KIF1A: variants seen among roughly 807,000 people sequenced by gnomAD.
KIF1A encodes kinesin-like protein KIF1A.
Under a neutral mutation model 227.3 loss-of-function variants are expected in KIF1A, and 46 were observed. That is an observed-to-expected ratio of 0.20 (90% confidence interval 0.16 to 0.26). The LOEUF (loss-of-function observed/expected upper bound fraction) is 0.26. Among genes scored for constraint, KIF1A ranks in the 10% least tolerant of loss-of-function variants. KIF1A has a pLI of 1.00. For missense variants in KIF1A, 1,683 were observed against 2,485.9 expected, an observed-to-expected ratio of 0.68 and a Z score of 6.87; for synonymous variants, 1,022 against 1,012.8, an observed-to-expected ratio of 1.01 and a Z score of -0.17.
intron 1 of KIF1A, among the ~76,000 whole-genome samples, chr2:240,808,153 G>A (rs1445678352): frequency 2.6e-5 from 4 of 152,088 alleles, no homozygotes; most frequent in Non-Finnish European, 5.9e-5. Context: ...GGCCAAACCA[G>A]TAAGACAGGA....
intron 2 of KIF1A, among the ~76,000 whole-genome samples, chr2:240,795,968 A>G (rs567436232): frequency 6.6e-6 from 1 of 152,302 alleles, no homozygotes; most frequent in Admixed American, 6.5e-5. Flanking sequence ...CCATGACCCC[A>G]CATGCAAGAC....
At position 240,765,682 on chromosome 2, in the gene KIF1A, G is replaced by C. The variant is rs553217978; in HGVS notation, c.1768+28C>G. ...CCTCGCCTCATGCCTCTGCCTACCT[G>C]ACTGGCCCCCGGAGTCCCCAGCCAT... On this transcript the variant is annotated intron_variant, in intron 20 of 48. Coordinates refer to ENST00000498729, the MANE Select transcript of KIF1A (RefSeq NM_001244008.2). 7 of 1,579,258 alleles carry C rather than the reference G, an allele frequency of 4.4e-6. No individual in the cohort carries two copies. In the African/African-American group the frequency reaches 8.1e-5, roughly 18 times the overall value.
intron 38 of KIF1A, chr2:240,734,723 G>A (rs1286424890): frequency 1.9e-5 from 25 of 1,304,558 alleles, no homozygotes; most frequent in Non-Finnish European, 2.5e-5. Context: ...TGATACCTAG[G>A]TATGTCCGAA....
chr2:240,776,027 A>G, intron 10 of KIF1A, 101 bp from the exon 11 acceptor site: 1 of 805,250 alleles, frequency 1.2e-6, no homozygotes, highest in East Asian at 2.6e-5. Flanking sequence ...TCAAAGCTGG[A>G]GGCTGGGCAA....
At chr2:240,812,868 A>AGCCATCACTCAGGGATCC (rs1559549858) in intron 1 of KIF1A, among the ~76,000 whole-genome samples, 4 of 77,854 alleles carry the variant, frequency 5.1e-5, no homozygotes, top group African/African-American at 2.5e-4. Flanking sequence ...CTCGGGGATC[A>AGCCATCACTCAGGGATCC]GCCTTCACTC....
At chr2:240,742,063 G>A (rs758832463) in intron 34 of KIF1A, among the ~76,000 whole-genome samples, 22 of 152,200 alleles carry the variant, frequency 1.4e-4, no homozygotes, top group Non-Finnish European at 2.6e-4. Context: ...CTCATACTGC[G>A]GGCCACAAAG....
chr2:240,751,902 G>A (rs1022098151), intron 27 of KIF1A, among the ~76,000 whole-genome samples: 1 of 152,120 alleles, frequency 6.6e-6, no homozygotes, highest in Admixed American at 6.5e-5. Flanking sequence ...CAGAATCCCA[G>A]TCACTGTCAG....
Position 240,789,454 on chromosome 2 carries a change from A to T in KIF1A, c.107-142T>A. 1.5e-6 allele frequency: 1 copy of T among 665,612 alleles called. No homozygotes were observed. Among genetic ancestry groups the T allele is most frequent in the Non-Finnish European group, 2.7e-6 (1 of 369,426 alleles). The allele number at this position is 665,612 out of a possible 1,614,324, so 41.2% of individuals were successfully genotyped here. On this transcript the variant is annotated intron_variant, in intron 2 of 48. Transcript: ENST00000498729. This position sits in a 1 kb window ranked among gnomAD's most constrained non-coding sequence, Gnocchi z 4.8. ...GCCCCCAAATTGGAGGGGACCTAGG[A>T]CCCCACTCCCAGGCAGATGAGCTGT...
chr2:240,772,480 G>C (rs2052142185), intron 14 of KIF1A, 90 bp downstream of exon 14: 1 of 1,147,796 alleles, frequency 8.7e-7, no homozygotes, highest in South Asian at 1.3e-5. Context: ...GTACCCTGGG[G>C]TTCACCCCTC....
chr2:240,787,356 G>C (rs752899854), intron 4 of KIF1A, 40 bp from the exon 5 acceptor site: 1 of 1,556,214 alleles, frequency 6.4e-7, no homozygotes, highest in African/African-American at 1.4e-5. Context: ...GAGGGCTGGG[G>C]CTGCTCCCTG....
Position 240,763,159 on chromosome 2 carries a change from G to A in KIF1A, c.1949+7C>T, listed in dbSNP as rs555750413. On this transcript the variant is annotated splice_region_variant and intron_variant, in intron 21 of 48. Transcript: ENST00000498729. ...CAGCAGGCAGTTGGGGGTGGCCTCC[G>A]CCTCACCTCTGCTCCATCTCCTGCT... is the stretch of plus-strand genomic sequence containing the variant. 1.4e-4 allele frequency: 221 copies of A among 1,608,550 alleles called. No homozygotes were observed. The highest frequency in any genetic ancestry group is 1.7e-4 in the Non-Finnish European group (198 of 1,179,200).
At position 240,782,716 on chromosome 2, in the gene KIF1A, C is replaced by T. The variant is rs370679423; in HGVS notation, c.865-109G>A. On this transcript the variant is annotated intron_variant, in intron 9 of 48. Coordinates refer to ENST00000498729, the MANE Select transcript of KIF1A (RefSeq NM_001244008.2). ...TGCCTCGCCCTGGCCATGACTCAGG[C>T]TCTACCACCCCGTGGTCTCCTAGAC... 166 of 1,159,976 alleles carry T rather than the reference C, an allele frequency of 1.4e-4. No homozygotes were observed. In the African/African-American group the frequency reaches 2.1e-3, roughly 15 times the overall value. 71.9% of individuals were successfully genotyped at this position (1,159,976 alleles called of 1,614,324 possible). A position where few individuals can be genotyped will look rare whatever the true frequency, so the allele number is the denominator to read the frequency against.
At chr2:240,732,876 G>A (rs1379750921) in intron 38 of KIF1A, among the ~76,000 whole-genome samples, 5 of 119,910 alleles carry the variant, frequency 4.2e-5, no homozygotes, top group Non-Finnish European at 8.8e-5. Flanking sequence ...AGGGATGAGG[G>A]AGGGATGAGG....
In KIF1A at chr2:240,792,074, C is replaced by T. The variant is rs2055783775; in HGVS notation, c.107-2762G>A. Among the ~76,000 whole-genome samples the T allele has an allele frequency of 6.6e-6, 1 of 151,436 alleles. No homozygotes were observed. Among genetic ancestry groups the T allele is most frequent in the Non-Finnish European group, 1.5e-5 (1 of 67,844 alleles). On this transcript the variant is annotated intron_variant, in intron 2 of 48. Coordinates refer to ENST00000498729, the MANE Select transcript of KIF1A (RefSeq NM_001244008.2). The surrounding 1 kb of genome is among the most constrained non-coding windows in gnomAD (Gnocchi z 4.5). Reference sequence around the variant, plus strand: ...GGCTGGGAACCATCCTCTGTCACTACAGATGGGCCCCAAGCTCCAGAGAGG... The same window carrying T: ...GGCTGGGAACCATCCTCTGTCACTATAGATGGGCCCCAAGCTCCAGAGAGG...
intron 47 of KIF1A, 81 bp from the exon 48 acceptor site, chr2:240,718,249 G>T: frequency 1.0e-6 from 1 of 968,050 alleles, no homozygotes; most frequent in Non-Finnish European, 1.6e-6. Context: ...GGCCCAGGCA[G>T]GCAGGGGAGG....
At position 240,757,629 on chromosome 2, in the gene KIF1A, C is replaced by G. The variant is rs1206976063; in HGVS notation, c.2583-35G>C. 1 of 1,545,190 alleles carries G rather than the reference C, an allele frequency of 6.5e-7. No individual in the cohort carries two copies. Among genetic ancestry groups the G allele is most frequent in the African/African-American group, 1.4e-5 (1 of 72,930 alleles). The stretch of plus-strand genomic sequence containing the variant: ...GTGCGACAAGACAGAGAGAAGTTAA[C>G]ACCAGCGACTCGCAGGGACGAACAG... On this transcript the variant is annotated intron_variant, in intron 26 of 48. Transcript: ENST00000498729. The surrounding 1 kb of genome is among the most constrained non-coding windows in gnomAD (Gnocchi z 6.2).
Position 240,717,401 on chromosome 2 carries a change from T to G in KIF1A, c.5339A>C (p.Lys1780Thr). ...NPLLAGTIRS[K>T]LSRRRSAQMR... is the part of the protein sequence containing the mutation. ...CTGGGCAGACCTCCTTCTGGAGAGC[T>G]TGGACCTGCAGAAGAGTTGGGAGAG... Residue 1780 changes from lysine to threonine, a missense_variant, in exon 49 of 49, where the codon AAG becomes ACG. Transcript: ENST00000498729. The G allele has an allele frequency of 1.2e-6, 2 of 1,611,492 alleles. No homozygotes were observed. Among genetic ancestry groups the G allele is most frequent in the Non-Finnish European group, 1.7e-6 (2 of 1,179,508 alleles).
At chr2:240,728,465 A>T (rs1340614294) in intron 38 of KIF1A, 1 of 1,200,350 alleles carries the variant, frequency 8.3e-7, no homozygotes, top group African/African-American at 1.6e-5. Context: ...AGAAATGGAG[A>T]TGTCAGAACA....
intron 9 of KIF1A, 119 bp from the exon 10 acceptor site, chr2:240,782,726 C>G: frequency 3.8e-6 from 4 of 1,063,748 alleles, no homozygotes; most frequent in Non-Finnish European, 5.6e-6. Flanking sequence ...CTCTACCACC[C>G]CGTGGTCTCC....
Sources: allele counts gnomAD v4.1 joint callset (sites outside exome capture counted in the v4.1 genomes callset), GRCh38; gene constraint gnomAD v4.1.1; non-coding constraint Gnocchi (gnomAD v3.1); transcripts MANE v1.5; gene names NCBI Gene and HGNC (gene_info 2026-07-23, HGNC 2026-07-21).